The following NPM2 variants were observed in gnomAD, a reference collection of about 807,000 sequenced individuals.
NPM2 encodes the protein nucleophosmin/nucleoplasmin 2.
NPM2 carries 25 observed loss-of-function variants against 32.0 expected under a neutral mutation model. The observed-to-expected ratio is 0.78, with a 90% CI of 0.57 to 1.09. The LOEUF is 1.09. Ranked by LOEUF, NPM2 falls within the 50% of genes least tolerant of loss-of-function variation. The pLI is 0.00. For synonymous variants in NPM2, 111 were observed against 94.2 expected (o/e 1.18, Z -1.04); for missense variants, 282 against 259.9 (o/e 1.08, Z -0.58).
At chr8:22,026,735 G>GT (rs1166681732) in intron 5 of NPM2, among the ~76,000 whole-genome samples, 4 of 152,144 alleles carry the variant, frequency 2.6e-5, no homozygotes, top group African/African-American at 9.7e-5. Flanking sequence ...GATTACAGGC[G>GT]TGAGTCACCA....
intron 5 of NPM2, among the ~76,000 whole-genome samples, chr8:22,030,593 A>G (rs1800404576): frequency 6.6e-6 from 1 of 152,010 alleles, no homozygotes; most frequent in South Asian, 2.1e-4. Context: ...TTTTCTTTTC[A>G]TAATGTCTTG....
intron 5 of NPM2, among the ~76,000 whole-genome samples, chr8:22,026,256 C>G (rs981775709): frequency 5.9e-5 from 9 of 152,108 alleles, no homozygotes; most frequent in African/African-American, 2.2e-4. Flanking sequence ...CCACTCCCAC[C>G]CCATCCATGC....
chr8:22,035,125 C>T (rs973877168), intron 8 of NPM2, among the ~76,000 whole-genome samples: 4 of 151,982 alleles, frequency 2.6e-5, no homozygotes, highest in African/African-American at 7.3e-5. Context: ...TTTAAAAAGA[C>T]GCTTATGGCA....
intron 5 of NPM2, 53 bp from the exon 6 acceptor site, chr8:22,033,077 C>A: frequency 7.3e-7 from 1 of 1,362,742 alleles, no homozygotes; most frequent in Non-Finnish European, 1.1e-6. Flanking sequence ...GGCTAGTCCC[C>A]GAGAGGTGCC....
At chr8:22,025,035 G>C in intron 2 of NPM2, 181 bp from the exon 3 acceptor site, 1 of 557,332 alleles carries the variant, frequency 1.8e-6, no homozygotes, top group South Asian at 2.4e-5. Flanking sequence ...CCCGGGCTGC[G>C]CACCCCGCTA....
chr8:22,034,813 AG>A (rs1368013898), intron 8 of NPM2, among the ~76,000 whole-genome samples: 1 of 152,196 alleles, frequency 6.6e-6, no homozygotes, highest in African/African-American at 2.4e-5. Flanking sequence ...ACCTGCACTA[AG>A]ATGCTTCTCA....
At chr8:22,026,578 C>A (rs145397042) in intron 5 of NPM2, among the ~76,000 whole-genome samples, 295 of 151,270 alleles carry the variant, frequency 2.0e-3, no homozygotes, top group African/African-American at 6.6e-3. Context: ...CCTCAGCCTT[C>A]GGAGTAGCTG....
intron 5 of NPM2, among the ~76,000 whole-genome samples, chr8:22,031,626 A>C (rs182727461): frequency 6.6e-6 from 1 of 152,242 alleles, no homozygotes; most frequent in Admixed American, 6.5e-5. Flanking sequence ...TTGTATTTTT[A>C]GTAGAAACAG....
At chr8:22,024,649 AGAATGGGAGAAGG>A (rs1179941197) in intron 1 of NPM2, 26 bp downstream of exon 1, 1 of 152,362 alleles carries the variant, frequency 6.6e-6, no homozygotes, top group African/African-American at 2.4e-5. Flanking sequence ...AGAGGAGGAA[AGAATGGGAGAAGG>A]GAAGGGGAGA....
intron 5 of NPM2, among the ~76,000 whole-genome samples, chr8:22,026,073 C>T (rs1454481300): frequency 6.6e-6 from 1 of 152,210 alleles, no homozygotes; most frequent in East Asian, 1.9e-4. Flanking sequence ...GAGCAGCCAG[C>T]TAGCCAGCAT....
chr8:22,034,373 T>C (rs1800548478), intron 7 of NPM2, 98 bp downstream of exon 7: 1 of 1,402,334 alleles, frequency 7.1e-7, no homozygotes, highest in African/African-American at 1.4e-5. Context: ...CCTCCCAGAA[T>C]GAGTGTACAG....
In NPM2 at chr8:22,036,838, T is replaced by C. The variant is rs893233363; in HGVS notation, c.*156T>C. ...GCCCCTCACCCCCAACTCTCCACTTTCAGGAGGCCCCCAGTGAAGAGCCCC... is the reference window on the plus strand; with the variant it reads ...GCCCCTCACCCCCAACTCTCCACTTCCAGGAGGCCCCCAGTGAAGAGCCCC... On this transcript the variant is annotated 3_prime_UTR_variant, in exon 10 of 10. Coordinates refer to ENST00000518119, the MANE Select transcript of NPM2 (RefSeq NM_001286680.2). 9.9e-6 allele frequency: 7 copies of C among 705,202 alleles called. No homozygotes were observed. The highest frequency in any genetic ancestry group is 7.4e-5 in the African/African-American group (4 of 54,288). The allele number at this position is 705,202 out of a possible 1,614,324, so 43.7% of individuals were successfully genotyped here. A position where few individuals can be genotyped will look rare whatever the true frequency, so the allele number is the denominator to read the frequency against.
chr8:22,034,345 A>AC, intron 7 of NPM2, 70 bp downstream of exon 7: 1 of 1,483,692 alleles, frequency 6.7e-7, no homozygotes, highest in Non-Finnish European at 9.1e-7. Flanking sequence ...GGGGTGGGCC[A>AC]CCGGGAGCCT....
At chr8:22,028,302 A>G (rs1200890032) in intron 5 of NPM2, among the ~76,000 whole-genome samples, 1 of 151,524 alleles carries the variant, frequency 6.6e-6, no homozygotes, top group Non-Finnish European at 1.5e-5. Context: ...CTCTTAACAG[A>G]AAGTTTCCTG....
At chr8:22,035,290 A>G (rs892923173) in intron 8 of NPM2, among the ~76,000 whole-genome samples, 4 of 152,144 alleles carry the variant, frequency 2.6e-5, no homozygotes, top group East Asian at 1.9e-4. Context: ...TGTTTGTTTA[A>G]TGAGACAGGG....
Position 22,025,784 on chromosome 8 carries a change from C to T in NPM2, c.270+12C>T. The T allele has an allele frequency of 6.2e-7, 1 of 1,613,864 alleles. No individual in the cohort carries two copies. Among genetic ancestry groups the T allele is most frequent in the Non-Finnish European group, 8.5e-7 (1 of 1,179,988 alleles). Reference sequence around the variant, plus strand: ...CAGTCCTCCCCATGGTGCGCATTTCCCTGCTGGCTGGAAGACTGCTGTCAG... The same window carrying T: ...CAGTCCTCCCCATGGTGCGCATTTCTCTGCTGGCTGGAAGACTGCTGTCAG... On this transcript the variant is annotated intron_variant, in intron 5 of 9. Coordinates refer to ENST00000518119, the MANE Select transcript of NPM2 (RefSeq NM_001286680.2).
At position 22,033,123 on chromosome 8, in the gene NPM2, C is replaced by A. The variant is rs372134320; in HGVS notation, c.271-7C>A. On this transcript the variant is annotated splice_polypyrimidine_tract_variant and splice_region_variant and intron_variant, in intron 5 of 9. Coordinates refer to ENST00000518119, the MANE Select transcript of NPM2 (RefSeq NM_001286680.2). ...GGCCCTGTCTTCTCTGCTTCCTCCC[C>A]CTGCAGGTCTCCATGGTAGGAGTGC... 4 of 1,612,436 alleles carry A rather than the reference C, an allele frequency of 2.5e-6. No individual in the cohort carries two copies. The highest frequency in any genetic ancestry group is 2.2e-5 in the South Asian group (2 of 91,048).
chr8:22,031,029 G>A (rs1183182482), intron 5 of NPM2, among the ~76,000 whole-genome samples: 1 of 152,148 alleles, frequency 6.6e-6, no homozygotes, highest in Non-Finnish European at 1.5e-5. Context: ...TGAGTTTGGG[G>A]AGTGTTCCAA....
chr8:22,034,599 T>TA, intron 8 of NPM2, 55 bp downstream of exon 8: 3 of 1,401,080 alleles, frequency 2.1e-6, no homozygotes, highest in Non-Finnish European at 2.0e-6. Flanking sequence ...ATATACAGTG[T>TA]TAGAAAGAAT....
Sources: allele counts gnomAD v4.1 joint callset (sites outside exome capture counted in the v4.1 genomes callset), GRCh38; gene constraint gnomAD v4.1.1; transcripts MANE v1.5; gene names NCBI Gene and HGNC (gene_info 2026-07-23, HGNC 2026-07-21).